Variants in FAM167A observed in about 807,000 individuals in gnomAD.
FAM167A encodes protein FAM167A.
In FAM167A, 23 loss-of-function variants were observed where a neutral mutation model predicts 14.9. The ratio of observed to expected loss-of-function variants is 1.55; its 90% CI spans 1.11 to 2.19. The LOEUF (loss-of-function observed/expected upper bound fraction) is 2.19. FAM167A is among the 30% of genes most tolerant of loss of function. FAM167A has a pLI of 0.00. For missense variants in FAM167A, 401 were observed against 281.5 expected (o/e 1.42, Z -3.04); for synonymous variants, 174 against 117.7 (o/e 1.48, Z -3.10).
chr8:11,435,030 C>A, intron 2 of FAM167A: 1 of 456,852 alleles, frequency 2.2e-6, no homozygotes, highest in Non-Finnish European at 4.4e-6. Flanking sequence ...TGCCTGCCTC[C>A]CCCCCTCACT....
chr8:11,444,991 G>T, intron 1 of FAM167A, 183 bp from the exon 2 acceptor site: 1 of 639,158 alleles, frequency 1.6e-6, no homozygotes, highest in Non-Finnish European at 1.9e-6. Context: ...AGAAGTTAAT[G>T]AGCAATTGAA....
At chr8:11,435,546 C>G (rs1031116831) in intron 2 of FAM167A, among the ~76,000 whole-genome samples, 1 of 152,216 alleles carries the variant, frequency 6.6e-6, no homozygotes, top group African/African-American at 2.4e-5. Context: ...GTACCTGTCT[C>G]CACGGCTGGG....
At chr8:11,462,496 C>A (rs1197846281) in intron 1 of FAM167A, among the ~76,000 whole-genome samples, 2 of 152,174 alleles carry the variant, frequency 1.3e-5, no homozygotes, top group Non-Finnish European at 1.5e-5. Context: ...CTTGGTCCAT[C>A]GAATTGGGAA....
chr8:11,445,849 T>G (rs879617423), intron 1 of FAM167A, among the ~76,000 whole-genome samples: 2 of 151,492 alleles, frequency 1.3e-5, no homozygotes, highest in Admixed American at 1.3e-4. Flanking sequence ...CTGGGGGACA[T>G]GCAGCTATAA....
At chr8:11,450,430 G>A (rs1005931600) in intron 1 of FAM167A, among the ~76,000 whole-genome samples, 13 of 152,322 alleles carry the variant, frequency 8.5e-5, no homozygotes, top group Admixed American at 3.3e-4. Context: ...TACAGATGAA[G>A]AGACTGAGGC....
chr8:11,429,906 T>C (rs73663133), intron 2 of FAM167A, among the ~76,000 whole-genome samples: 7,188 of 152,270 alleles, frequency 0.047, 573 homozygotes, highest in African/African-American at 0.16. Flanking sequence ...CGACAACAAA[T>C]AGCATGGCAG....
intron 2 of FAM167A, among the ~76,000 whole-genome samples, chr8:11,425,497 T>C (rs1805072773): frequency 6.6e-6 from 1 of 152,150 alleles, no homozygotes; most frequent in Non-Finnish European, 1.5e-5. Flanking sequence ...TGTAGAAGGT[T>C]CCTAATATTT....
chr8:11,447,759 C>T (rs536501104), intron 1 of FAM167A, among the ~76,000 whole-genome samples: 1 of 152,334 alleles, frequency 6.6e-6, no homozygotes, highest in East Asian at 1.9e-4. Context: ...CCAGGGCAGC[C>T]ATTGGCTTTG....
At chr8:11,445,189 T>A in intron 1 of FAM167A, 1 of 984,662 alleles carries the variant, frequency 1.0e-6, no homozygotes, top group Non-Finnish European at 1.2e-6. Context: ...GCTCAGGCTG[T>A]CTGAATCTGA....
At chr8:11,468,788 T>C (rs539148311), upstream of FAM167A, among the ~76,000 whole-genome samples, 1 of 152,230 alleles carries the variant, frequency 6.6e-6, no homozygotes, top group Admixed American at 6.5e-5. Flanking sequence ...GTGCAGATGC[T>C]TTCTCATGGG....
chr8:11,431,916 A>AG (rs1805624542), intron 2 of FAM167A, among the ~76,000 whole-genome samples: 1 of 145,568 alleles, frequency 6.9e-6, no homozygotes, highest in East Asian at 2.0e-4. Flanking sequence ...AAAAAAAAAA[A>AG]AAAGGATTTT....
intron 1 of FAM167A, among the ~76,000 whole-genome samples, chr8:11,447,715 C>G (rs1806844928): frequency 6.6e-6 from 1 of 152,226 alleles, no homozygotes; most frequent in South Asian, 2.1e-4. Flanking sequence ...CAGCCTCTTT[C>G]TACTCTGGAG....
intron 2 of FAM167A, among the ~76,000 whole-genome samples, chr8:11,438,980 T>C (rs998877276): frequency 3.0e-4 from 46 of 152,352 alleles, no homozygotes; most frequent in African/African-American, 1.1e-3. Context: ...TGTGACCTTT[T>C]ACAAGTACCC....
intron 2 of FAM167A, among the ~76,000 whole-genome samples, chr8:11,432,129 C>T (rs1420666331): frequency 6.6e-6 from 1 of 152,170 alleles, no homozygotes; most frequent in Non-Finnish European, 1.5e-5. Context: ...GATTTCTTCA[C>T]ATTCAAGGGA....
chr8:11,435,323 A>G (rs78896058), intron 2 of FAM167A, among the ~76,000 whole-genome samples: 2,502 of 152,164 alleles, frequency 0.016, 74 homozygotes, highest in African/African-American at 0.057. Context: ...TGCGGCCTCC[A>G]CCATGGCACC....
At chr8:11,457,651 G>A (rs1807386647) in intron 1 of FAM167A, among the ~76,000 whole-genome samples, 1 of 152,180 alleles carries the variant, frequency 6.6e-6, no homozygotes, top group African/African-American at 2.4e-5. Context: ...CTGAGTAAGA[G>A]AGTGGGTACA....
At chr8:11,440,665 C>G (rs1450005436) in intron 2 of FAM167A, among the ~76,000 whole-genome samples, 3 of 152,198 alleles carry the variant, frequency 2.0e-5, no homozygotes, top group African/African-American at 7.2e-5. Context: ...CTTTAAGTTA[C>G]AGAAAATATC....
intron 1 of FAM167A, among the ~76,000 whole-genome samples, chr8:11,450,531 C>T (rs1405213778): frequency 1.3e-5 from 2 of 152,168 alleles, no homozygotes; most frequent in Non-Finnish European, 2.9e-5. Flanking sequence ...CTGAGCTGGC[C>T]CCTAACCACT....
intron 1 of FAM167A, among the ~76,000 whole-genome samples, chr8:11,449,997 C>T (rs76658568): frequency 6.6e-6 from 1 of 152,254 alleles, no homozygotes; most frequent in African/African-American, 2.4e-5. Context: ...CACCTCCTCT[C>T]ACCACGCGCT....
Sources: allele counts gnomAD v4.1 joint callset (sites outside exome capture counted in the v4.1 genomes callset), GRCh38; gene constraint gnomAD v4.1.1; transcripts MANE v1.5; gene names NCBI Gene and HGNC (gene_info 2026-07-23, HGNC 2026-07-21).